CCSER1: variants seen among roughly 807,000 people sequenced by gnomAD.
CCSER1 encodes the protein serine-rich coiled-coil domain-containing protein 1.
A neutral mutation model predicts 82.0 loss-of-function variants in CCSER1; 41 were observed. The observed-to-expected ratio is 0.50, with a 90% CI of 0.39 to 0.65. The LOEUF (loss-of-function observed/expected upper bound fraction) is 0.65. Among genes scored for constraint, CCSER1 ranks in the 30% least tolerant of loss-of-function variants. The probability of loss-of-function intolerance (pLI) is 0.00; values close to 1 mark genes in which losing one functional copy is unlikely to be tolerated. For missense variants in CCSER1, 1,119 were observed against 1,064.2 expected, an observed-to-expected ratio of 1.05 and a Z score of -0.72; for synonymous variants, 414 against 383.9, an observed-to-expected ratio of 1.08 and a Z score of -0.92.
chr4:91,309,015 T>C (rs935939977), intron 10 of CCSER1, among the ~76,000 whole-genome samples: 1 of 151,976 alleles, frequency 6.6e-6, no homozygotes, highest in Non-Finnish European at 1.5e-5. Context: ...GCCTACCTTT[T>C]TTAAGGACAC....
rs184885917 is a variant in CCSER1 at position 91,148,355 on chromosome 4, C to A, written c.2217+62361C>A. Among the ~76,000 whole-genome samples, 4 of 152,090 alleles carry A rather than the reference C, an allele frequency of 2.6e-5. No individual in the cohort carries two copies. In the East Asian group the frequency reaches 7.7e-4, roughly 29 times the overall value. ...CCACGCAGAGTTTTCGAAGCTGGAACTCTATTAATGAGACAAACGGACTTG... is the reference window on the plus strand; with the variant it reads ...CCACGCAGAGTTTTCGAAGCTGGAAATCTATTAATGAGACAAACGGACTTG... On this transcript the variant is annotated intron_variant, in intron 10 of 10. Transcript: ENST00000509176.
intron 8 of CCSER1, among the ~76,000 whole-genome samples, chr4:90,817,337 T>A (rs1472664258): frequency 6.6e-6 from 1 of 152,058 alleles, no homozygotes; most frequent in Non-Finnish European, 1.5e-5. Context: ...TCTTTTTTTC[T>A]CAGCATTAGT....
chr4:91,079,099 G>T (rs766815829), intron 9 of CCSER1, among the ~76,000 whole-genome samples: 1 of 152,138 alleles, frequency 6.6e-6, no homozygotes, highest in Non-Finnish European at 1.5e-5. Flanking sequence ...TACTCCTCGA[G>T]AAGAGCAAAT....
At position 90,791,832 on chromosome 4, in the gene CCSER1, A is replaced by AAC. The variant is rs570994423; in HGVS notation, c.2011-23915_2011-23914dup. 8.9e-4 allele frequency among the ~76,000 whole-genome samples: 116 copies of AAC among 130,682 alleles called. 1 individual carries two copies. The South Asian group carries it at 0.016, about 18-fold the overall frequency. The allele number at this position is 130,682 out of a possible 152,430, so 85.7% of individuals were successfully genotyped here. On this transcript the variant is annotated intron_variant, in intron 7 of 10. Coordinates refer to ENST00000509176, the MANE Select transcript of CCSER1 (RefSeq NM_001145065.2). ...GCGAGACTGTCTCAAAAAAAAAAAA[A>AAC]ACACACACACACACACGTTTATAAG...
chr4:91,028,520 A>C (rs1740690005), intron 9 of CCSER1, among the ~76,000 whole-genome samples: 1 of 152,046 alleles, frequency 6.6e-6, no homozygotes, highest in African/African-American at 2.4e-5. Context: ...TAATTTTATT[A>C]TCTGTGGACA....
At chr4:90,881,871 C>T (rs1446484621) in intron 8 of CCSER1, among the ~76,000 whole-genome samples, 1 of 150,736 alleles carries the variant, frequency 6.6e-6, no homozygotes, top group African/African-American at 2.4e-5. Context: ...ATTCCACTCT[C>T]AAAATTCAAC....
At position 90,436,977 on chromosome 4, in the gene CCSER1, C is replaced by T. The variant is rs969941502; in HGVS notation, c.1604-31257C>T. Among the ~76,000 whole-genome samples the T allele has an allele frequency of 1.7e-4, 26 of 152,022 alleles. No individual in the cohort carries two copies. The East Asian group carries it at 1.8e-3, about 10-fold the overall frequency. On this transcript the variant is annotated intron_variant, in intron 4 of 10. Transcript: ENST00000509176. ...TCCCGAGTGCTGGCACCCGCCACCACGCCTGGCTAATTTTTTTGTATTTTT... is the reference window on the plus strand; with the variant it reads ...TCCCGAGTGCTGGCACCCGCCACCATGCCTGGCTAATTTTTTTGTATTTTT...
chr4:90,942,868 T>C (rs1474287235), intron 9 of CCSER1, among the ~76,000 whole-genome samples: 2 of 148,002 alleles, frequency 1.4e-5, no homozygotes, highest in Admixed American at 6.8e-5. Context: ...TATATATATT[T>C]AATTAAATAT....
intron 1 of CCSER1, among the ~76,000 whole-genome samples, chr4:90,128,688 A>C (rs2153306231): frequency 6.6e-6 from 1 of 152,232 alleles, no homozygotes; most frequent in East Asian, 1.9e-4. Flanking sequence ...GGATTTGTGA[A>C]TGGTGCTTCT....
rs1230162187 is a variant in CCSER1 at position 90,215,322 on chromosome 4, C to T, written c.-42+87491C>T. 2.0e-5 allele frequency among the ~76,000 whole-genome samples: 3 copies of T among 152,178 alleles called. No homozygotes were observed. The East Asian group carries it at 5.8e-4, about 29-fold the overall frequency. ...TGTAAAAGGTTTTCAAAGTGTCTTT[C>T]ACTTGAGTGAGCATTTAGTGAATTA... On this transcript the variant is annotated intron_variant, in intron 1 of 10. Transcript: ENST00000509176.
At chr4:90,950,725 G>A (rs1445186201) in intron 9 of CCSER1, among the ~76,000 whole-genome samples, 1 of 152,072 alleles carries the variant, frequency 6.6e-6, no homozygotes, top group Non-Finnish European at 1.5e-5. Flanking sequence ...CTTGGGTATA[G>A]AGATAACCAC....
Position 90,911,198 on chromosome 4 carries a change from TAG to T in CCSER1, c.2095-12171_2095-12170del. On this transcript the variant is annotated intron_variant, in intron 8 of 10. Coordinates refer to ENST00000509176, the MANE Select transcript of CCSER1 (RefSeq NM_001145065.2). Reference sequence around the variant, plus strand: ...TTATAAGTCTCCCTTTTTTTCAAGTTAGCAATTTTCTACAACAAAAAAATTAT... The same window carrying T: ...TTATAAGTCTCCCTTTTTTTCAAGTTCAATTTTCTACAACAAAAAAATTAT... 7 of 430,690 alleles carry T rather than the reference TAG, an allele frequency of 1.6e-5. No individual in the cohort carries two copies. The Admixed American group carries it at 1.6e-4, about 10-fold the overall frequency. The allele number at this position is 430,690 out of a possible 1,614,324, so 26.7% of individuals were successfully genotyped here. A position where few individuals can be genotyped will look rare whatever the true frequency, so the allele number is the denominator to read the frequency against.
chr4:91,115,156 C>T (rs1277034505), intron 10 of CCSER1, among the ~76,000 whole-genome samples: 2 of 152,044 alleles, frequency 1.3e-5, no homozygotes, highest in Non-Finnish European at 2.9e-5. Context: ...GTTATTTCTA[C>T]AAAGGGATGT....
At position 90,385,383 on chromosome 4, in the gene CCSER1, A is replaced by G. The variant is rs1209832025; in HGVS notation, c.1510-14653A>G. ...GTGTTCCTTTTTTTTTTTTAACCATATCTGTGTCAAAGTCTAATGTTTTTT... is the reference window on the plus strand; with the variant it reads ...GTGTTCCTTTTTTTTTTTTAACCATGTCTGTGTCAAAGTCTAATGTTTTTT... On this transcript the variant is annotated intron_variant, in intron 3 of 10. Transcript: ENST00000509176. Among the ~76,000 whole-genome samples the G allele has an allele frequency of 2.1e-5, 3 of 145,760 alleles. No individual in the cohort carries two copies. In the Admixed American group the frequency reaches 2.1e-4, roughly 10 times the overall value.
intron 1 of CCSER1, among the ~76,000 whole-genome samples, chr4:90,231,116 A>T (rs1353709538): frequency 6.6e-6 from 1 of 152,122 alleles, no homozygotes; most frequent in Non-Finnish European, 1.5e-5. Context: ...TCCCTAACTC[A>T]TTTTATGAGG....
intron 5 of CCSER1, among the ~76,000 whole-genome samples, chr4:90,540,054 A>T (rs1197627693): frequency 6.6e-6 from 1 of 152,092 alleles, no homozygotes; most frequent in African/African-American, 2.4e-5. Flanking sequence ...AACGGAGCAA[A>T]TTAGTTTGTG....
At position 91,183,642 on chromosome 4, in the gene CCSER1, C is replaced by T. The variant is rs549324137; in HGVS notation, c.2217+97648C>T. On this transcript the variant is annotated intron_variant, in intron 10 of 10. Coordinates refer to ENST00000509176, the MANE Select transcript of CCSER1 (RefSeq NM_001145065.2). The stretch of plus-strand genomic sequence containing the variant: ...TTGATATAAATAAGGAGTTAGAGTC[C>T]GTGAATTAGTATGTGGAAGAAAAAG... Among the ~76,000 whole-genome samples, 47 of 152,064 alleles carry T rather than the reference C, an allele frequency of 3.1e-4. No individual in the cohort carries two copies. The South Asian group carries it at 5.2e-3, about 17-fold the overall frequency.
At chr4:90,510,867 G>A (rs1415928952) in intron 5 of CCSER1, among the ~76,000 whole-genome samples, 2 of 152,196 alleles carry the variant, frequency 1.3e-5, no homozygotes, top group Non-Finnish European at 2.9e-5. Context: ...CACAGTAGCA[G>A]GGTCCTGGCC....
chr4:90,666,028 G>A (rs900019766), intron 6 of CCSER1, among the ~76,000 whole-genome samples: 1 of 151,978 alleles, frequency 6.6e-6, no homozygotes, highest in Non-Finnish European at 1.5e-5. Context: ...TATTCTTAAG[G>A]TCTTCTGCAT....
Sources: allele counts gnomAD v4.1 joint callset (sites outside exome capture counted in the v4.1 genomes callset), GRCh38; gene constraint gnomAD v4.1.1; transcripts MANE v1.5; gene names NCBI Gene and HGNC (gene_info 2026-07-23, HGNC 2026-07-21).